The following SLC25A48 variants were observed in gnomAD, a reference collection of about 807,000 sequenced individuals.
SLC25A48 encodes CTC-321K16.1.
In SLC25A48, 29 loss-of-function variants were observed where a neutral mutation model predicts 32.2. The ratio of observed to expected loss-of-function variants is 0.90; its 90% CI spans 0.67 to 1.23. The LOEUF (loss-of-function observed/expected upper bound fraction) is 1.23, where lower values mean the gene tolerates loss of function less well. Among genes scored for constraint, SLC25A48 ranks in the 50% most tolerant of loss-of-function variants. The pLI is 0.00. For missense variants in SLC25A48, 399 were observed against 422.7 expected, an observed-to-expected ratio of 0.94 and a Z score of 0.49; for synonymous variants, 164 against 172.3, an observed-to-expected ratio of 0.95 and a Z score of 0.38.
intron 3 of SLC25A48, among the ~76,000 whole-genome samples, chr5:135,748,762 A>G (rs1755701163): frequency 7.4e-6 from 1 of 135,110 alleles, no homozygotes; most frequent in South Asian, 2.4e-4. Context: ...TCTGTTGCCC[A>G]GGCTGGAGTG....
chr5:135,838,301 A>G (rs942490175), intron 1 of SLC25A48, among the ~76,000 whole-genome samples: 1 of 152,256 alleles, frequency 6.6e-6, no homozygotes, highest in Non-Finnish European at 1.5e-5. Flanking sequence ...ATTCAGTTTT[A>G]TGTATTCACA....
chr5:135,761,729 C>T (rs1267443351), intron 3 of SLC25A48, among the ~76,000 whole-genome samples: 1 of 152,218 alleles, frequency 6.6e-6, no homozygotes, highest in Non-Finnish European at 1.5e-5. Context: ...TTCTGAAATG[C>T]CAGATGGCTG....
At chr5:135,614,448 T>A (rs1752141961) in intron 1 of SLC25A48, among the ~76,000 whole-genome samples, 1 of 152,332 alleles carries the variant, frequency 6.6e-6, no homozygotes, top group African/African-American at 2.4e-5. Flanking sequence ...CTACCAGTAC[T>A]GTGTTGAATA....
At chr5:135,658,451 C>T (rs1306871277) in intron 3 of SLC25A48, among the ~76,000 whole-genome samples, 2 of 152,234 alleles carry the variant, frequency 1.3e-5, no homozygotes, top group Non-Finnish European at 2.9e-5. Flanking sequence ...GCCCTCTCAA[C>T]TGCTTTCATG....
chr5:135,797,814 T>C (rs1561498103), intron 3 of SLC25A48, among the ~76,000 whole-genome samples: 2 of 151,832 alleles, frequency 1.3e-5, no homozygotes, highest in Admixed American at 6.6e-5. Context: ...GTGATATTGT[T>C]TCTAAAATCA....
At chr5:135,744,723 C>A (rs901452075) in intron 3 of SLC25A48, among the ~76,000 whole-genome samples, 16 of 152,092 alleles carry the variant, frequency 1.1e-4, no homozygotes, top group Admixed American at 7.2e-4. Flanking sequence ...AGAATCAAAC[C>A]CAACTCTCTC....
rs1254863664 is a variant in SLC25A48, at chr5:135,724,400, G to A, written c.-520-88123G>A. Among the ~76,000 whole-genome samples the A allele has an allele frequency of 5.0e-5, 7 of 139,256 alleles. No individual in the cohort carries two copies. The East Asian group carries it at 1.3e-3, about 25-fold the overall frequency. The allele number at this position is 139,256 out of a possible 152,430, so 91.4% of individuals were successfully genotyped here. A position where few individuals can be genotyped will look rare whatever the true frequency, so the allele number is the denominator to read the frequency against. ...CTCCTTGGAGCCCCCTCAGGTAGGC[G>A]TGAGCCCCTGCGCCACCCAGCTCCT... On this transcript the variant is annotated intron_variant, in intron 3 of 10. Transcript: ENST00000646290.
At chr5:135,790,781 C>T (rs1478982482) in intron 3 of SLC25A48, among the ~76,000 whole-genome samples, 10 of 150,134 alleles carry the variant, frequency 6.7e-5, no homozygotes, top group African/African-American at 2.5e-4. Context: ...TGTATGTACA[C>T]CCTGTGATAT....
At chr5:135,763,573 G>A (rs901930365) in intron 3 of SLC25A48, among the ~76,000 whole-genome samples, 6 of 152,062 alleles carry the variant, frequency 3.9e-5, no homozygotes, top group Non-Finnish European at 8.8e-5. Context: ...ATCCCTCGAG[G>A]AGGGGAAGAA....
chr5:135,842,248 G>T (rs370666700), intron 1 of SLC25A48, among the ~76,000 whole-genome samples, 168 bp from the exon 2 acceptor site: 1 of 151,988 alleles, frequency 6.6e-6, no homozygotes, highest in Admixed American at 6.5e-5. Context: ...TATTTTCTCT[G>T]CCTTCCTTGG....
intron 1 of SLC25A48, chr5:135,609,313 G>A (rs1752010731): frequency 6.6e-6 from 1 of 152,218 alleles, no homozygotes; most frequent in Non-Finnish European, 1.5e-5. Flanking sequence ...GCATGTGGAG[G>A]GTGCCAGGAA....
chr5:135,799,487 G>T (rs1320041411), intron 3 of SLC25A48, among the ~76,000 whole-genome samples: 1 of 151,434 alleles, frequency 6.6e-6, no homozygotes, highest in Non-Finnish European at 1.5e-5. Flanking sequence ...CGGTGATATT[G>T]TTCCCAATAT....
rs1755616194 is a variant in SLC25A48 at position 135,745,405 on chromosome 5, C to T, written c.-520-67118C>T. ...CCTCATTCTGGTAAACCAACAACCT[C>T]CAGCGTGGGTGTCATAGCCATCACA... is the stretch of plus-strand genomic sequence containing the variant. On this transcript the variant is annotated intron_variant, in intron 3 of 10. Coordinates refer to the SLC25A48 transcript ENST00000646290. Among the ~76,000 whole-genome samples, 3 of 152,164 alleles carry T rather than the reference C, an allele frequency of 2.0e-5. No individual in the cohort carries two copies. The South Asian group carries it at 6.2e-4, about 32-fold the overall frequency.
intron 4 of SLC25A48, chr5:135,824,524 T>G (rs1757977429): frequency 6.6e-6 from 1 of 152,442 alleles, no homozygotes; most frequent in African/African-American, 2.4e-5. Context: ...AAGAAGCCCC[T>G]AAGCTCCCTC....
At chr5:135,743,022 T>C (rs1172826594) in intron 3 of SLC25A48, among the ~76,000 whole-genome samples, 4 of 3,590 alleles carry the variant, frequency 1.1e-3, no homozygotes, top group Non-Finnish European at 1.7e-3. Flanking sequence ...TTCCCTCCCC[T>C]CCCCTCCCTT....
chr5:135,833,213 C>A (rs1758273773), upstream of SLC25A48, among the ~76,000 whole-genome samples: 1 of 152,258 alleles, frequency 6.6e-6, no homozygotes, highest in African/African-American at 2.4e-5. Context: ...CAACCCACTC[C>A]TGCTCTGCTC....
intron 3 of SLC25A48, among the ~76,000 whole-genome samples, chr5:135,727,506 CCTATTTTTTTTTCTAAA>C (rs1408294939): frequency 2.0e-5 from 3 of 151,992 alleles, no homozygotes; most frequent in Non-Finnish European, 4.4e-5. Context: ...AAGATTTTCT[CCTATTTTTTTTTCTAAA>C]AGTTTTATAG....
intron 3 of SLC25A48, among the ~76,000 whole-genome samples, chr5:135,716,711 G>C (rs1754807812): frequency 6.6e-6 from 1 of 152,166 alleles, no homozygotes; most frequent in Non-Finnish European, 1.5e-5. Context: ...CTATGTAAAA[G>C]GTCGATTAGG....
rs140506119 is a variant in SLC25A48 at position 135,722,449 on chromosome 5, G to A, written c.-521+87493G>A. 1.9e-3 allele frequency among the ~76,000 whole-genome samples: 289 copies of A among 152,250 alleles called. 1 individual carries two copies. Among genetic ancestry groups the A allele is most frequent in the African/African-American group, 6.7e-3 (280 of 41,544 alleles). On this transcript the variant is annotated intron_variant, in intron 3 of 10. Transcript: ENST00000646290. Reference sequence around the variant, plus strand: ...TTTGTAGCAAAAGGTATTTGCCTGCGATTTTTATTTTCTTTCTCTTTTCAG... The same window carrying A: ...TTTGTAGCAAAAGGTATTTGCCTGCAATTTTTATTTTCTTTCTCTTTTCAG...
Sources: gnomAD v4.1 joint callset for allele counts (sites outside exome capture counted in the v4.1 genomes callset) on GRCh38, gnomAD v4.1.1 for gene constraint, MANE v1.5 for transcripts, NCBI Gene and HGNC (gene_info 2026-07-23, HGNC 2026-07-21) for gene names.